Variants in PTPRD observed in about 807,000 individuals in gnomAD.
PTPRD encodes the protein protein tyrosine phosphatase receptor type D.
Under a neutral mutation model 214.5 loss-of-function variants are expected in PTPRD, and 34 were observed. The ratio of observed to expected loss-of-function variants is 0.16; its 90% CI spans 0.12 to 0.21. The LOEUF (loss-of-function observed/expected upper bound fraction) is 0.21, where lower values mean the gene tolerates loss of function less well. Among genes scored for constraint, PTPRD ranks in the 10% least tolerant of loss-of-function variants. The pLI, the probability that PTPRD is intolerant of heterozygous loss-of-function variation, is 1.00. For synonymous variants in PTPRD, 1,128 were observed against 845.7 expected (o/e 1.33, Z -5.79); for missense variants, 2,545 against 2,398.7 (o/e 1.06, Z -1.27).
intron 9 of PTPRD, among the ~76,000 whole-genome samples, chr9:9,388,811 C>A (rs1333279109): frequency 6.6e-6 from 1 of 152,042 alleles, no homozygotes; most frequent in Non-Finnish European, 1.5e-5. Flanking sequence ...ATTTCTCAAA[C>A]ACTCAGAAAG....
At chr9:8,522,391 A>G (rs2097909449) in intron 19 of PTPRD, among the ~76,000 whole-genome samples, 1 of 152,192 alleles carries the variant, frequency 6.6e-6, no homozygotes, top group African/African-American at 2.4e-5. Context: ...GGGTTGAAAG[A>G]CAGAAGATTA....
At chr9:8,645,296 T>C (rs2096663571) in intron 12 of PTPRD, among the ~76,000 whole-genome samples, 1 of 152,166 alleles carries the variant, frequency 6.6e-6, no homozygotes, top group Non-Finnish European at 1.5e-5. Context: ...GAGACAAAAA[T>C]CAATGTCAGA....
At chr9:9,069,969 G>A (rs1331725939) in intron 10 of PTPRD, among the ~76,000 whole-genome samples, 1 of 152,144 alleles carries the variant, frequency 6.6e-6, no homozygotes, top group Non-Finnish European at 1.5e-5. Context: ...CTTTCTCCTA[G>A]GTGTCTGTGA....
intron 3 of PTPRD, among the ~76,000 whole-genome samples, chr9:10,292,150 A>G (rs1259306470): frequency 2.0e-5 from 3 of 152,090 alleles, no homozygotes; most frequent in Non-Finnish European, 4.4e-5. Flanking sequence ...CCTGAAAGCT[A>G]TCCTCATAAA....
chr9:8,629,828 A>G (rs2096190927), intron 14 of PTPRD, among the ~76,000 whole-genome samples: 1 of 151,806 alleles, frequency 6.6e-6, no homozygotes, highest in Admixed American at 6.6e-5. Context: ...ACTCTATGGT[A>G]TAGTTAATTG....
chr9:8,756,109 A>G (rs1204978336), intron 11 of PTPRD, among the ~76,000 whole-genome samples: 2 of 152,206 alleles, frequency 1.3e-5, no homozygotes, highest in Non-Finnish European at 2.9e-5. Context: ...CCCTGGGGCC[A>G]AGAGAATCAG....
intron 8 of PTPRD, among the ~76,000 whole-genome samples, chr9:9,428,281 A>G (rs2081775883): frequency 6.6e-6 from 1 of 152,176 alleles, no homozygotes; most frequent in African/African-American, 2.4e-5. Flanking sequence ...GATAAAACAG[A>G]TTTTAAACCA....
chr9:8,522,952 G>A (rs144618494), intron 19 of PTPRD, among the ~76,000 whole-genome samples: 28 of 152,212 alleles, frequency 1.8e-4, no homozygotes, highest in African/African-American at 5.1e-4. Flanking sequence ...ATAAACCTCC[G>A]CTTATTTGAG....
rs555897554 is a variant in PTPRD at position 8,843,583 on chromosome 9, T to G, written c.-103-109637A>C. Among the ~76,000 whole-genome samples, 16 of 152,296 alleles carry G rather than the reference T, an allele frequency of 1.1e-4. No individual in the cohort carries two copies. The South Asian group carries it at 2.3e-3, about 22-fold the overall frequency. On this transcript the variant is annotated intron_variant, in intron 11 of 45. Transcript: ENST00000381196. ...CCACTTCAAATGTAGCTAGCATGAA[T>G]GTGGTTTTAATTACATTTAATTTTA...
intron 3 of PTPRD, among the ~76,000 whole-genome samples, chr9:10,129,421 A>C (rs2098842390): frequency 6.6e-6 from 1 of 151,914 alleles, no homozygotes; most frequent in African/African-American, 2.4e-5. Context: ...CTTGAATCTG[A>C]AAACCTATTG....
intron 2 of PTPRD, among the ~76,000 whole-genome samples, chr9:10,388,435 T>C (rs151258183): frequency 6.7e-6 from 1 of 149,480 alleles, no homozygotes; most frequent in African/African-American, 2.5e-5. Flanking sequence ...CTATAGTAGA[T>C]GCTTAATGAA....
intron 11 of PTPRD, among the ~76,000 whole-genome samples, chr9:8,945,585 T>C (rs183571055): frequency 3.3e-5 from 5 of 152,112 alleles, no homozygotes; most frequent in Admixed American, 2.6e-4. Flanking sequence ...AAAGACACAA[T>C]AAACCCTTCA....
intron 3 of PTPRD, among the ~76,000 whole-genome samples, chr9:10,109,260 G>T (rs535476464): frequency 6.6e-6 from 1 of 152,072 alleles, no homozygotes; most frequent in Non-Finnish European, 1.5e-5. Flanking sequence ...ATTCTCATAC[G>T]GATGCAGAGA....
chr9:9,132,633 CTCTT>C (rs1273430472), intron 10 of PTPRD, among the ~76,000 whole-genome samples: 5 of 152,276 alleles, frequency 3.3e-5, no homozygotes, highest in East Asian at 3.9e-4. Flanking sequence ...AGAAGTCAGT[CTCTT>C]TCTAATTTAA....
At chr9:9,895,766 T>G (rs958734487) in intron 5 of PTPRD, among the ~76,000 whole-genome samples, 1 of 152,144 alleles carries the variant, frequency 6.6e-6, no homozygotes, top group African/African-American at 2.4e-5. Flanking sequence ...GAAGGACTAG[T>G]AGCAGCTAAA....
intron 34 of PTPRD, among the ~76,000 whole-genome samples, chr9:8,448,649 G>C (rs528504148): frequency 2.6e-5 from 4 of 152,228 alleles, no homozygotes; most frequent in East Asian, 3.9e-4. Context: ...TATGATGCTT[G>C]TATAGCCACA....
intron 8 of PTPRD, among the ~76,000 whole-genome samples, chr9:9,473,964 T>G (rs1569568642): frequency 6.6e-6 from 1 of 152,068 alleles, no homozygotes; most frequent in Non-Finnish European, 1.5e-5. Context: ...GCTTTTTTGT[T>G]TGATATAGTC....
chr9:10,016,808 G>T (rs1049363269), intron 4 of PTPRD, among the ~76,000 whole-genome samples: 1 of 151,980 alleles, frequency 6.6e-6, no homozygotes, highest in Non-Finnish European at 1.5e-5. Context: ...GGGACTACAT[G>T]CATGCACCAT....
chr9:9,285,335 T>C (rs900286742), intron 9 of PTPRD, among the ~76,000 whole-genome samples: 1 of 151,792 alleles, frequency 6.6e-6, no homozygotes, highest in East Asian at 2.0e-4. Flanking sequence ...CTATTTCCTA[T>C]AATGCTAATT....
Sources: gnomAD v4.1 joint callset for allele counts (sites outside exome capture counted in the v4.1 genomes callset) on GRCh38, gnomAD v4.1.1 for gene constraint, MANE v1.5 for transcripts, NCBI Gene and HGNC (gene_info 2026-07-23, HGNC 2026-07-21) for gene names.